Variants in MAST4 observed in about 807,000 individuals in gnomAD.
The protein encoded by MAST4 is microtubule-associated serine/threonine-protein kinase 4.
MAST4 carries 89 observed loss-of-function variants against 162.7 expected under a neutral mutation model. That is an observed-to-expected ratio of 0.55 (90% CI 0.46 to 0.65). The LOEUF (loss-of-function observed/expected upper bound fraction) is 0.65, where lower values mean the gene tolerates loss of function less well. MAST4 is among the 30% of genes least tolerant of loss of function. The pLI, the probability that MAST4 is intolerant of heterozygous loss-of-function variation, is 0.00. For synonymous variants in MAST4, 1,479 were observed against 1,361.1 expected (o/e 1.09, Z -1.91); for missense variants, 3,153 against 3,374.0 (o/e 0.93, Z 1.62).
chr5:66,905,682 A>G (rs542020114), intron 4 of MAST4, among the ~76,000 whole-genome samples: 4 of 152,228 alleles, frequency 2.6e-5, no homozygotes, highest in Non-Finnish European at 5.9e-5. Context: ...TTCAGGAAAT[A>G]TAAGACACCA....
chr5:67,152,685 T>C lies in MAST4; in HGVS notation c.3344T>C (p.Leu1115Pro). The C allele has an allele frequency of 1.2e-6, 2 of 1,614,064 alleles. No individual in the cohort carries two copies. The highest frequency in any genetic ancestry group is 1.7e-6 in the Non-Finnish European group (2 of 1,179,888). The part of the protein sequence containing the change: ...PLGSPMSPHS[L>P]SSDPSSSRDS... Reference sequence around the variant, plus strand: ...GGAAGTCCAATGTCTCCCCATTCCCTGTCCTCGGACCCTTCTTCTTCACGA... The same window carrying C: ...GGAAGTCCAATGTCTCCCCATTCCCCGTCCTCGGACCCTTCTTCTTCACGA... The change falls in exon 25 of 29, where the codon CTG becomes CCG. Residue 1115 changes from leucine (L) to proline (P), a missense_variant. Coordinates refer to ENST00000403625, the MANE Select transcript of MAST4 (RefSeq NM_001164664.2).
Position 67,163,416 on chromosome 5 carries a change from T to C in MAST4, c.4237T>C (p.Phe1413Leu), listed in dbSNP as rs528251606. 7.2e-5 allele frequency: 116 copies of C among 1,612,976 alleles called. 1 individual carries two copies. The Admixed American group carries it at 1.9e-3, about 26-fold the overall frequency. ...SLGNSKIAQA[F>L]PSKMHSPPTI... ...GGGCAATTCCAAGATCGCGCAAGCC[T>C]TTCCCAGCAAGATGCACTCCCCGCC... Residue 1413 changes from phenylalanine (F) to leucine (L), a missense_variant, in exon 29 of 29, where the codon TTT (phenylalanine) becomes CTT (leucine). By Grantham distance (22) the Phe-to-Leu change is conservative. Around this residue, in one of 7 missense-constraint regions of MAST4, gnomAD observed 619 missense variants for 744.2 expected, o/e 0.83. Coordinates refer to ENST00000403625, the MANE Select transcript of MAST4 (RefSeq NM_001164664.2). This position sits in a 1 kb window ranked among gnomAD's most constrained non-coding sequence, Gnocchi z 7.0.
intron 4 of MAST4, among the ~76,000 whole-genome samples, chr5:66,941,525 G>T (rs1743369640): frequency 6.6e-6 from 1 of 152,052 alleles, no homozygotes; most frequent in South Asian, 2.1e-4. Context: ...TTAGGCTTTG[G>T]CTTAAGGAAA....
rs562073186 is a variant in MAST4, at chr5:66,628,721, A to G, written c.363+31703A>G. Among the ~76,000 whole-genome samples the G allele has an allele frequency of 3.8e-4, 58 of 152,276 alleles. 1 individual carries two copies. The South Asian group carries it at 0.012, about 30-fold the overall frequency. On this transcript the variant is annotated intron_variant, in intron 1 of 28. Coordinates refer to ENST00000403625, the MANE Select transcript of MAST4 (RefSeq NM_001164664.2). ...TGTATTTGCTGGAAGAGGAGGGCCA[A>G]AACTTGCTTCTGGATTTCGTAGCAT...
chr5:66,761,044 G>A (rs142953078), intron 2 of MAST4, among the ~76,000 whole-genome samples: 33 of 152,236 alleles, frequency 2.2e-4, no homozygotes, highest in Non-Finnish European at 3.5e-4. Flanking sequence ...ATGGATGAAC[G>A]ATCCAATTGC....
chr5:67,030,465 G>T (rs1755169086), intron 4 of MAST4, among the ~76,000 whole-genome samples: 1 of 152,040 alleles, frequency 6.6e-6, no homozygotes, highest in Non-Finnish European at 1.5e-5. Flanking sequence ...CATAGCACTG[G>T]TGGCAAAAAT....
intron 4 of MAST4, among the ~76,000 whole-genome samples, chr5:66,906,868 G>A (rs1580832130): frequency 1.3e-5 from 2 of 152,274 alleles, no homozygotes; most frequent in Admixed American, 1.3e-4. Flanking sequence ...GGTGTCCAGA[G>A]ATGAGATGGA....
At chr5:66,628,438 T>C (rs1054192333) in intron 1 of MAST4, among the ~76,000 whole-genome samples, 1 of 151,806 alleles carries the variant, frequency 6.6e-6, no homozygotes, top group Non-Finnish European at 1.5e-5. Context: ...TCTATTTAGC[T>C]AAAATGACAT....
At chr5:66,877,609 C>T (rs977337848) in intron 3 of MAST4, among the ~76,000 whole-genome samples, 14 of 152,168 alleles carry the variant, frequency 9.2e-5, no homozygotes, top group Admixed American at 6.5e-4. Context: ...ACCACCGGCA[C>T]GGGCCTGGCA....
chr5:66,793,044 A>G (rs1324021421), intron 3 of MAST4, among the ~76,000 whole-genome samples: 1 of 152,200 alleles, frequency 6.6e-6, no homozygotes, highest in East Asian at 1.9e-4. Context: ...GAAGGCCCTG[A>G]GGTTTGGTAG....
rs564637537 is a variant in MAST4, at chr5:67,112,379, T to A, written c.1459-1708T>A. On this transcript the variant is annotated intron_variant, in intron 11 of 28. Transcript: ENST00000403625. ...AGACACCAGCTGGGTGTCCTCCAAT[T>A]CCATTCCAACACTGTCTACGCAGAG... Among the ~76,000 whole-genome samples the A allele has an allele frequency of 2.0e-5, 3 of 152,144 alleles. No homozygotes were observed. The South Asian group carries it at 6.2e-4, about 32-fold the overall frequency.
chr5:66,625,993 C>A (rs1440222458), intron 1 of MAST4, among the ~76,000 whole-genome samples: 1 of 151,970 alleles, frequency 6.6e-6, no homozygotes, highest in Non-Finnish European at 1.5e-5. Flanking sequence ...ATGGGTGGAG[C>A]CAGAGGACAT....
intron 1 of MAST4, among the ~76,000 whole-genome samples, chr5:66,642,365 A>C (rs765804259): frequency 2.0e-5 from 3 of 152,206 alleles, no homozygotes; most frequent in Non-Finnish European, 4.4e-5. Flanking sequence ...TAAAAAACTT[A>C]AGTGTATCAA....
chr5:67,054,264 G>A, intron 4 of MAST4, 140 bp from the exon 5 acceptor site: 1 of 612,746 alleles, frequency 1.6e-6, no homozygotes, highest in Non-Finnish European at 2.8e-6. Context: ...TCAAATATTA[G>A]TGAATGCATA....
chr5:67,095,688 C>A lies in MAST4; in HGVS notation c.912+13C>A. The A allele has an allele frequency of 1.5e-6, 2 of 1,309,432 alleles. No homozygotes were observed. The highest frequency in any genetic ancestry group is 2.0e-6 in the Non-Finnish European group (2 of 976,190). 81.1% of individuals were successfully genotyped at this position (1,309,432 alleles called of 1,614,324 possible). A position where few individuals can be genotyped will look rare whatever the true frequency, so the allele number is the denominator to read the frequency against. ...CTCTACGGTCTCTGTAAGTGCCTGA[C>A]TTTTTTTTTTTTTTTCTCTTCCTCA... On this transcript the variant is annotated intron_variant, in intron 7 of 28. Coordinates refer to ENST00000403625, the MANE Select transcript of MAST4 (RefSeq NM_001164664.2).
intron 3 of MAST4, among the ~76,000 whole-genome samples, chr5:66,816,517 A>G (rs1756733657): frequency 6.6e-6 from 1 of 152,200 alleles, no homozygotes; most frequent in Non-Finnish European, 1.5e-5. Flanking sequence ...GCAGAAGGAA[A>G]TTATACTCTG....
chr5:66,995,917 T>C (rs972609738), intron 4 of MAST4, among the ~76,000 whole-genome samples: 6 of 143,012 alleles, frequency 4.2e-5, no homozygotes, highest in African/African-American at 1.7e-4. Context: ...ACACACAAAC[T>C]TGTAAAAAAA....
intron 1 of MAST4, among the ~76,000 whole-genome samples, chr5:66,750,481 T>C (rs1753069172): frequency 6.6e-6 from 1 of 152,224 alleles, no homozygotes; most frequent in Non-Finnish European, 1.5e-5. Context: ...CTGCCTCACT[T>C]GGGAAGCGCA....
chr5:66,991,918 T>C (rs777146481), intron 4 of MAST4, among the ~76,000 whole-genome samples: 3 of 152,192 alleles, frequency 2.0e-5, no homozygotes, highest in Non-Finnish European at 4.4e-5. Context: ...TCAAGCAGTG[T>C]TATTTGAAGG....
Sources: allele counts gnomAD v4.1 joint callset (sites outside exome capture counted in the v4.1 genomes callset), GRCh38; gene constraint gnomAD v4.1.1; regional missense constraint gnomAD v4.1.1; non-coding constraint Gnocchi (gnomAD v3.1); transcripts MANE v1.5; gene names NCBI Gene and HGNC (gene_info 2026-07-23, HGNC 2026-07-21).